SDK1: variants seen among roughly 807,000 people sequenced by gnomAD.
SDK1 encodes the protein protein sidekick-1.
In SDK1, 157 loss-of-function variants were observed where a neutral mutation model predicts 245.5. That is an observed-to-expected ratio of 0.64 (90% CI 0.56 to 0.73). The LOEUF (loss-of-function observed/expected upper bound fraction) is 0.73, where lower values mean the gene tolerates loss of function less well. SDK1 is among the 30% of genes least tolerant of loss of function. The pLI, the probability that SDK1 is intolerant of heterozygous loss-of-function variation, is 0.00. For synonymous variants in SDK1, 1,647 were observed against 1,278.5 expected (o/e 1.29, Z -6.15); for missense variants, 3,583 against 3,002.3 (o/e 1.19, Z -4.52).
chr7:3,741,939 C>T (rs1583362801), intron 4 of SDK1, among the ~76,000 whole-genome samples: 1 of 146,452 alleles, frequency 6.8e-6, no homozygotes, highest in African/African-American at 2.6e-5. Flanking sequence ...AGCCCAATAC[C>T]CTGTCTATTT....
chr7:3,846,021 G>A (rs1015885305), intron 5 of SDK1, among the ~76,000 whole-genome samples: 1 of 152,136 alleles, frequency 6.6e-6, no homozygotes, highest in African/African-American at 2.4e-5. Context: ...TGTATTTCTT[G>A]ATAACACATA....
At chr7:3,645,030 C>T (rs1782785995) in intron 4 of SDK1, among the ~76,000 whole-genome samples, 1 of 152,120 alleles carries the variant, frequency 6.6e-6, no homozygotes, top group Non-Finnish European at 1.5e-5. Context: ...ATTCTTTCAA[C>T]TTAGCAGCAA....
chr7:4,159,960 A>G (rs1355987005), intron 31 of SDK1, among the ~76,000 whole-genome samples: 2 of 152,142 alleles, frequency 1.3e-5, no homozygotes, highest in Non-Finnish European at 2.9e-5. Context: ...ATGCGGGAGG[A>G]TGTGTGCAGG....
At chr7:4,205,771 G>T (rs762346596) in intron 35 of SDK1, 108 bp from the exon 36 acceptor site, 34 of 884,700 alleles carry the variant, frequency 3.8e-5, no homozygotes, top group Middle Eastern at 3.3e-4. Context: ...CTCTCACATG[G>T]TTCCCAGCGG....
At position 4,017,283 on chromosome 7, in the gene SDK1, G is replaced by A. The variant is rs139348771; in HGVS notation, c.2533G>A (p.Val845Met). The change falls in exon 17 of 45, where the codon GTG (valine) becomes ATG (methionine). Residue 845 changes from valine to methionine, a missense_variant. By Grantham distance (21) the Val-to-Met change is conservative. Coordinates refer to ENST00000404826, the MANE Select transcript of SDK1 (RefSeq NM_152744.4). ...CATCTGGACACAGTATGAGATACAG[G>A]TGGCGGCGTACAACGGGGCCGGTCT... ...LIIWTQYEIQVAAYNGAGLGV... is the reference protein window; with the variant it reads ...LIIWTQYEIQMAAYNGAGLGV... 2.0e-4 allele frequency: 328 copies of A among 1,613,950 alleles called. No individual in the cohort carries two copies. The highest frequency in any genetic ancestry group is 2.3e-4 in the Non-Finnish European group (270 of 1,179,958).
chr7:3,564,470 C>T (rs1779845078), intron 1 of SDK1, among the ~76,000 whole-genome samples: 1 of 151,730 alleles, frequency 6.6e-6, no homozygotes. Flanking sequence ...TCTTGGGTGA[C>T]AGAGGGAGAC....
rs563074180 is a variant in SDK1, at chr7:4,258,047, G to A, written c.6382-7077G>A. 8.5e-5 allele frequency among the ~76,000 whole-genome samples: 13 copies of A among 152,308 alleles called. No homozygotes were observed. In the South Asian group the frequency reaches 2.5e-3, roughly 29 times the overall value. On this transcript the variant is annotated intron_variant, in intron 44 of 44. Transcript: ENST00000404826. ...CACTCCCAATTTGTGTCTCCCGCCA[G>A]GCCCCCTTCTTGGCACCCACATGTG... is the stretch of plus-strand genomic sequence containing the variant.
chr7:4,034,778 C>T (rs1788095090), intron 17 of SDK1, among the ~76,000 whole-genome samples: 1 of 152,072 alleles, frequency 6.6e-6, no homozygotes, highest in Admixed American at 6.5e-5. Flanking sequence ...CCAAAATGCC[C>T]ATCATTAAGA....
At chr7:3,447,292 G>A (rs1221390063) in intron 1 of SDK1, among the ~76,000 whole-genome samples, 3 of 152,058 alleles carry the variant, frequency 2.0e-5, no homozygotes, top group Admixed American at 6.6e-5. Context: ...ATTGTGAAGC[G>A]AAACTTATCT....
At chr7:3,507,820 C>A (rs1274761841) in intron 1 of SDK1, among the ~76,000 whole-genome samples, 1 of 152,170 alleles carries the variant, frequency 6.6e-6, no homozygotes. Context: ...CATATCTGGA[C>A]CTGCCCTTAT....
chr7:3,384,626 C>G (rs931711663), intron 1 of SDK1, among the ~76,000 whole-genome samples: 1 of 152,206 alleles, frequency 6.6e-6, no homozygotes. Context: ...TTGTGTTCTA[C>G]ACAACCGTCT....
At chr7:3,812,329 T>G (rs867946215) in intron 4 of SDK1, among the ~76,000 whole-genome samples, 3 of 152,214 alleles carry the variant, frequency 2.0e-5, no homozygotes, top group Admixed American at 6.5e-5. Context: ...GCTCTGTGAT[T>G]AAATACTGGA....
chr7:3,915,783 C>T (rs898196816), intron 5 of SDK1, among the ~76,000 whole-genome samples: 2 of 152,196 alleles, frequency 1.3e-5, no homozygotes, highest in African/African-American at 4.8e-5. Flanking sequence ...TGCTGACTGA[C>T]TGGGTTTTAC....
At chr7:3,433,147 A>G (rs1415444647) in intron 1 of SDK1, among the ~76,000 whole-genome samples, 4 of 152,216 alleles carry the variant, frequency 2.6e-5, no homozygotes, top group Non-Finnish European at 4.4e-5. Context: ...GTGTGACAGT[A>G]CGGTGTTTAG....
intron 5 of SDK1, among the ~76,000 whole-genome samples, chr7:3,941,756 G>A (rs532199780): frequency 3.0e-4 from 46 of 152,252 alleles, no homozygotes; most frequent in African/African-American, 9.9e-4. Flanking sequence ...CCTCTTTGAC[G>A]AAGTGGACGT....
At chr7:3,422,003 A>G (rs1302778856) in intron 1 of SDK1, among the ~76,000 whole-genome samples, 1 of 152,142 alleles carries the variant, frequency 6.6e-6, no homozygotes. Context: ...AGTTGATGAG[A>G]GGGGGAATTA....
chr7:3,545,390 C>G (rs1012356188), intron 1 of SDK1, among the ~76,000 whole-genome samples: 1 of 152,128 alleles, frequency 6.6e-6, no homozygotes, highest in Non-Finnish European at 1.5e-5. Flanking sequence ...GTTCATCTTT[C>G]ATGTTGAAAG....
At chr7:3,934,240 C>T (rs553004780) in intron 5 of SDK1, among the ~76,000 whole-genome samples, 1 of 152,356 alleles carries the variant, frequency 6.6e-6, no homozygotes, top group African/African-American at 2.4e-5. Context: ...ACTTTCTGAA[C>T]AGACTGTGAC....
intron 10 of SDK1, among the ~76,000 whole-genome samples, 168 bp from the exon 11 acceptor site, chr7:3,969,089 G>T (rs752447316): frequency 6.6e-6 from 1 of 152,186 alleles, no homozygotes; most frequent in Non-Finnish European, 1.5e-5. Flanking sequence ...TCAGGATCCA[G>T]TCACCTCCCA....
Sources: gnomAD v4.1 joint callset for allele counts (sites outside exome capture counted in the v4.1 genomes callset) on GRCh38, gnomAD v4.1.1 for gene constraint, MANE v1.5 for transcripts, NCBI Gene and HGNC (gene_info 2026-07-23, HGNC 2026-07-21) for gene names.